ZNF638: variants seen among roughly 807,000 people sequenced by gnomAD.
The protein encoded by ZNF638 is zinc finger protein 638.
ZNF638 carries 46 observed loss-of-function variants against 195.6 expected under a neutral mutation model. That is an observed-to-expected ratio of 0.24 (90% CI 0.19 to 0.30). The LOEUF (loss-of-function observed/expected upper bound fraction) is 0.30. Ranked by LOEUF, ZNF638 falls within the 10% of genes least tolerant of loss-of-function variation. The pLI, the probability that ZNF638 is intolerant of heterozygous loss-of-function variation, is 1.00. For missense variants in ZNF638, 2,440 were observed against 2,325.3 expected, an observed-to-expected ratio of 1.05 and a Z score of -1.01; for synonymous variants, 845 against 772.0, an observed-to-expected ratio of 1.09 and a Z score of -1.57.
intron 2 of ZNF638, among the ~76,000 whole-genome samples, chr2:71,351,770 A>T (rs1425028232): frequency 1.3e-5 from 2 of 152,282 alleles, no homozygotes; most frequent in East Asian, 3.9e-4. Flanking sequence ...TAAGCAGTTT[A>T]TTCAGTCTTA....
Position 71,423,905 on chromosome 2 carries a change from C to A in ZNF638, c.4391C>A (p.Thr1464Asn), listed in dbSNP as rs773039335. ...TTCAAACCTACTCAGAGCAGTCTTA[C>A]CAGAGGAGGCAGTGGAAGGATCTCA... ...SKFKPTQSSL[T>N]RGGSGRISAL... is the part of the protein sequence containing the mutation. Residue 1464 changes from threonine to asparagine, a missense_variant, in exon 22 of 28, where the codon ACC (threonine) becomes AAC (asparagine). By Grantham distance (65) the Thr-to-Asn change is moderately conservative (BLOSUM62 0). Around this residue, in one of 5 missense-constraint regions of ZNF638, gnomAD observed 1,883 missense variants for 1,739.1 expected, o/e 1.08. Transcript: ENST00000264447. 2.5e-6 allele frequency: 4 copies of A among 1,613,906 alleles called. No individual in the cohort carries two copies. The highest frequency in any genetic ancestry group is 4.5e-5 in the East Asian group (2 of 44,886).
In ZNF638 at chr2:71,426,751, G is replaced by C. The variant is rs776659968; in HGVS notation, c.4882G>C (p.Glu1628Gln). ...LVTVDEVIDE[E>Q]ELNMEEMVKN... ...CACTGTGGATGAAGTAATTGATGAA[G>C]AAGAACTAAATATGGAAGAAATGGT... Residue 1628 changes from glutamate (E) to glutamine (Q), a missense_variant, in exon 24 of 28, where the codon GAA becomes CAA. Glu to Gln is a conservative substitution (Grantham distance 29, BLOSUM62 2). Coordinates refer to ENST00000264447, the MANE Select transcript of ZNF638 (RefSeq NM_014497.5). 8.7e-6 allele frequency: 14 copies of C among 1,613,918 alleles called. No individual in the cohort carries two copies. The Admixed American group carries it at 2.0e-4, about 23-fold the overall frequency.
At chr2:71,384,703 T>TA (rs1026418924) in intron 10 of ZNF638, among the ~76,000 whole-genome samples, 8 of 152,212 alleles carry the variant, frequency 5.3e-5, no homozygotes, top group African/African-American at 1.9e-4. Context: ...TTTCTCTTGT[T>TA]ATGGCTTTTC....
chr2:71,357,188 T>A (rs1438742966), intron 3 of ZNF638, among the ~76,000 whole-genome samples: 1 of 152,214 alleles, frequency 6.6e-6, no homozygotes, highest in Non-Finnish European at 1.5e-5. Context: ...GCAGAAGTCC[T>A]TGTTTTGACT....
At chr2:71,417,847 A>T (rs745474066) in intron 20 of ZNF638, among the ~76,000 whole-genome samples, 1 of 152,250 alleles carries the variant, frequency 6.6e-6, no homozygotes, top group East Asian at 1.9e-4. Flanking sequence ...CACCTATGCC[A>T]GGAATCCTCT....
At chr2:71,341,978 C>G (rs1327452420) in intron 1 of ZNF638, 5 of 152,114 alleles carry the variant, frequency 3.3e-5, no homozygotes, top group Non-Finnish European at 5.9e-5. Context: ...TTACCAAGAT[C>G]ACTTTGCTTG....
At position 71,365,798 on chromosome 2, in the gene ZNF638, C is replaced by T. The variant is rs753096460; in HGVS notation, c.1995+92C>T. 645 of 1,212,132 alleles carry T rather than the reference C, an allele frequency of 5.3e-4. 1 individual carries two copies. Among genetic ancestry groups the T allele is most frequent in the Non-Finnish European group, 6.8e-4 (595 of 879,408 alleles). 75.1% of individuals were successfully genotyped at this position (1,212,132 alleles called of 1,614,324 possible). On this transcript the variant is annotated intron_variant, in intron 6 of 27. Transcript: ENST00000264447. ...GTGGTGCAACAAGCATGGCTCACTG[C>T]AGCCTCGATCTCCTGGGCTCAAGTG...
In ZNF638 at chr2:71,434,771, G is replaced by A; in HGVS notation, c.5901G>A (p.Lys1967=). 8 of 1,611,978 alleles carry A rather than the reference G, an allele frequency of 5.0e-6. No homozygotes were observed. The South Asian group carries it at 8.8e-5, about 18-fold the overall frequency. The change falls in exon 28 of 28, where the codon AAG becomes AAA. Residue 1967 remains lysine, a synonymous_variant. Transcript: ENST00000264447. ...EKFMAKQRKE[K]EQNEAEERSS... is the part of the protein sequence containing the mutation. ...TCATGGCCAAGCAAAGAAAGGAAAA[G>A]GAGCAGAATGAGGCTGAAGAAAGAA... is the stretch of plus-strand genomic sequence containing the variant.
At position 71,423,074 on chromosome 2, in the gene ZNF638, G is replaced by T. The variant is rs745633373; in HGVS notation, c.3560G>T (p.Ser1187Ile). The change falls in exon 22 of 28, where the codon AGT becomes ATT. Residue 1187 changes from serine to isoleucine, a missense_variant. Transcript: ENST00000264447. ...EIPLVASASV[S>I]IEQFTENAEE... ...CCTCTTGTAGCATCCGCTTCAGTCAGTATTGAACAATTCACTGAAAATGCC... is the reference window on the plus strand; with the variant it reads ...CCTCTTGTAGCATCCGCTTCAGTCATTATTGAACAATTCACTGAAAATGCC... The T allele has an allele frequency of 2.5e-6, 4 of 1,614,014 alleles. No homozygotes were observed. The South Asian group carries it at 3.3e-5, about 13-fold the overall frequency.
At position 71,396,184 on chromosome 2, in the gene ZNF638, A is replaced by G; in HGVS notation, c.2421A>G (p.Lys807=). 1 of 1,611,364 alleles carries G rather than the reference A, an allele frequency of 6.2e-7. No homozygotes were observed. Among genetic ancestry groups the G allele is most frequent in the East Asian group, 2.2e-5 (1 of 44,796 alleles). The part of the protein sequence containing the change: ...QAKASVAKVN[K]STGKSASSVK... Reference sequence around the variant, plus strand: ...AGGCATCTGTAGCCAAAGTAAACAAATCTACAGGTATGTTTTTTTAATTAG... The same window carrying G: ...AGGCATCTGTAGCCAAAGTAAACAAGTCTACAGGTATGTTTTTTTAATTAG... The change falls in exon 11 of 28, where the codon AAA becomes AAG. Residue 807 remains lysine, a synonymous_variant. Transcript: ENST00000264447.
At chr2:71,400,261 G>C in intron 14 of ZNF638, 81 bp downstream of exon 14, 1 of 1,179,412 alleles carries the variant, frequency 8.5e-7, no homozygotes, top group Non-Finnish European at 1.2e-6. Context: ...AGAGTATTAC[G>C]ATTCATGTCT....
In ZNF638 at chr2:71,408,133, G is replaced by C. The variant is rs2080141975; in HGVS notation, c.3147G>C (p.Gln1049His). The C allele has an allele frequency of 1.9e-6, 3 of 1,607,000 alleles. No individual in the cohort carries two copies. The highest frequency in any genetic ancestry group is 2.5e-6 in the Non-Finnish European group (3 of 1,177,822). ...FISNRNKAIL[Q>H]LDSPESAQSM... ...AATCTTCTCCAAAGGCAATTCTTCA[G>C]TTAGATAGTCCTGAATCTGCTCAGT... The change falls in exon 20 of 28, where the codon CAG (glutamine) becomes CAC (histidine). Residue 1049 changes from glutamine to histidine, a missense_variant. Gln to His is a conservative substitution (Grantham distance 24, BLOSUM62 0). Transcript: ENST00000264447.
In ZNF638 at chr2:71,423,777, G is replaced by A; in HGVS notation, c.4263G>A (p.Val1421=). The A allele has an allele frequency of 6.2e-7, 1 of 1,613,970 alleles. No individual in the cohort carries two copies. Among genetic ancestry groups the A allele is most frequent in the Non-Finnish European group, 8.5e-7 (1 of 1,180,004 alleles). The stretch of plus-strand genomic sequence containing the variant: ...ATCAGAAAAGTTTTCCAAAATCTGT[G>A]CCCAGAGATCAAATAAATGCTGAAA... ...TENQKSFPKS[V]PRDQINAEKK... is the part of the protein sequence containing the mutation. The change falls in exon 22 of 28, where the codon GTG becomes GTA. Residue 1421 remains valine (V), a synonymous_variant. Transcript: ENST00000264447.
chr2:71,339,490 T>C (rs917148922), intron 1 of ZNF638, among the ~76,000 whole-genome samples: 2 of 152,196 alleles, frequency 1.3e-5, no homozygotes, highest in Non-Finnish European at 1.5e-5. Flanking sequence ...GAACCCACTT[T>C]AGGTAAATGG....
At chr2:71,341,340 C>T (rs1012721468) in intron 1 of ZNF638, among the ~76,000 whole-genome samples, 16 of 152,236 alleles carry the variant, frequency 1.1e-4, no homozygotes, top group Non-Finnish European at 1.6e-4. Context: ...AAAGGTTCAG[C>T]ATGTTTTGTC....
chr2:71,372,970 T>C (rs2079341966), intron 8 of ZNF638, among the ~76,000 whole-genome samples: 1 of 152,232 alleles, frequency 6.6e-6, no homozygotes, highest in African/African-American at 2.4e-5. Context: ...GTTAACACCT[T>C]GTGTACCTTC....
chr2:71,420,481 A>C (rs1408738798), intron 21 of ZNF638, among the ~76,000 whole-genome samples: 1 of 152,198 alleles, frequency 6.6e-6, no homozygotes, highest in Non-Finnish European at 1.5e-5. Flanking sequence ...ACTAATCTTT[A>C]GTATTGTGAA....
At chr2:71,422,752 T>C (rs2080458100) in intron 21 of ZNF638, 62 bp from the exon 22 acceptor site, 2 of 1,510,014 alleles carry the variant, frequency 1.3e-6, no homozygotes, top group Non-Finnish European at 1.8e-6. Context: ...ATTCTCATCA[T>C]AGTTTGATTT....
intron 1 of ZNF638, among the ~76,000 whole-genome samples, chr2:71,339,046 C>T (rs2078718580): frequency 6.6e-6 from 1 of 151,622 alleles, no homozygotes; most frequent in South Asian, 2.1e-4. Context: ...GTATGTTTTC[C>T]TGTTTTCCTT....
Sources: allele counts gnomAD v4.1 joint callset (sites outside exome capture counted in the v4.1 genomes callset), GRCh38; gene constraint gnomAD v4.1.1; regional missense constraint gnomAD v4.1.1; transcripts MANE v1.5; gene names NCBI Gene and HGNC (gene_info 2026-07-23, HGNC 2026-07-21).